ZNF385D: variants seen among roughly 807,000 people sequenced by gnomAD.
The protein encoded by ZNF385D is zinc finger protein 659.
ZNF385D carries 15 observed loss-of-function variants against 35.8 expected under a neutral mutation model. That is an observed-to-expected ratio of 0.42 (90% confidence interval 0.28 to 0.64). The LOEUF is 0.64. Among genes scored for constraint, ZNF385D ranks in the 30% least tolerant of loss-of-function variants. ZNF385D has a pLI of 0.23. For missense variants in ZNF385D, 474 were observed against 494.6 expected, an observed-to-expected ratio of 0.96 and a Z score of 0.39; for synonymous variants, 212 against 186.8, an observed-to-expected ratio of 1.13 and a Z score of -1.10.
chr3:21,763,884 A>G (rs2070721485), intron 3 of ZNF385D, among the ~76,000 whole-genome samples: 1 of 152,182 alleles, frequency 6.6e-6, no homozygotes, highest in Non-Finnish European at 1.5e-5. Context: ...CTATTCTAAC[A>G]TATAGTCATT....
chr3:22,297,725 G>C (rs763211232), intron 2 of ZNF385D, among the ~76,000 whole-genome samples: 12 of 151,680 alleles, frequency 7.9e-5, no homozygotes, highest in Non-Finnish European at 1.5e-4. Flanking sequence ...TTCATAACTG[G>C]GAATTTTCTT....
At chr3:21,932,360 A>G (rs1308699417) in intron 3 of ZNF385D, among the ~76,000 whole-genome samples, 1 of 151,974 alleles carries the variant, frequency 6.6e-6, no homozygotes, top group Non-Finnish European at 1.5e-5. Flanking sequence ...TAGTCAAAGC[A>G]AGTTTTCAGT....
intron 3 of ZNF385D, among the ~76,000 whole-genome samples, chr3:21,889,734 C>T (rs558049465): frequency 6.6e-6 from 1 of 152,178 alleles, no homozygotes; most frequent in South Asian, 2.1e-4. Flanking sequence ...ACAAGGGCTG[C>T]CATGACAAAG....
At chr3:21,933,830 T>C (rs1228362097) in intron 3 of ZNF385D, among the ~76,000 whole-genome samples, 2 of 152,144 alleles carry the variant, frequency 1.3e-5, no homozygotes, top group African/African-American at 2.4e-5. Context: ...ATTATAGCAT[T>C]TAAATTCTCT....
chr3:22,078,884 T>C (rs1315790413), intron 3 of ZNF385D, among the ~76,000 whole-genome samples: 1 of 152,076 alleles, frequency 6.6e-6, no homozygotes, highest in African/African-American at 2.4e-5. Context: ...AAATTTTAAA[T>C]ACAATAATGT....
intron 1 of ZNF385D, among the ~76,000 whole-genome samples, chr3:21,733,167 T>G (rs892713704): frequency 6.6e-6 from 1 of 152,224 alleles, no homozygotes; most frequent in African/African-American, 2.4e-5. Flanking sequence ...ATATTTTCTT[T>G]GCTCTTTTGT....
At chr3:21,447,758 G>C (rs1162943759) in intron 4 of ZNF385D, among the ~76,000 whole-genome samples, 6 of 152,080 alleles carry the variant, frequency 3.9e-5, no homozygotes, top group Non-Finnish European at 8.8e-5. Context: ...GAATGAGTAG[G>C]GACTGCAAAA....
intron 3 of ZNF385D, among the ~76,000 whole-genome samples, chr3:21,892,471 T>C (rs563488287): frequency 1.3e-4 from 20 of 152,326 alleles, no homozygotes; most frequent in South Asian, 8.3e-4. Context: ...TAGACTTGTT[T>C]GTGCTTTGCT....
chr3:21,694,942 C>A (rs1410913275), intron 1 of ZNF385D, among the ~76,000 whole-genome samples: 1 of 152,152 alleles, frequency 6.6e-6, no homozygotes, highest in Non-Finnish European at 1.5e-5. Context: ...AGGAAGCATG[C>A]ATCAGCTTGG....
intron 4 of ZNF385D, among the ~76,000 whole-genome samples, chr3:21,456,826 T>A (rs1702855556): frequency 6.6e-6 from 1 of 152,106 alleles, no homozygotes; most frequent in African/African-American, 2.4e-5. Context: ...AGATTACTCA[T>A]CCCCTTACCA....
intron 2 of ZNF385D, among the ~76,000 whole-genome samples, chr3:22,222,652 T>C (rs980644275): frequency 2.0e-5 from 3 of 152,152 alleles, no homozygotes; most frequent in Non-Finnish European, 4.4e-5. Context: ...AGTGTTTTCA[T>C]CTGTAATATG....
At chr3:22,161,540 G>C (rs6766674) in intron 3 of ZNF385D, among the ~76,000 whole-genome samples, 2 of 151,944 alleles carry the variant, frequency 1.3e-5, no homozygotes, top group South Asian at 2.1e-4. Flanking sequence ...TGAATCATGA[G>C]ATCTCTGGAA....
intron 3 of ZNF385D, among the ~76,000 whole-genome samples, chr3:21,937,516 T>A (rs180823178): frequency 6.6e-6 from 1 of 152,170 alleles, no homozygotes; most frequent in Non-Finnish European, 1.5e-5. Flanking sequence ...TTAAAAAAGA[T>A]GTTTTGTGTT....
At chr3:21,803,194 T>C (rs889021614) in intron 3 of ZNF385D, among the ~76,000 whole-genome samples, 1 of 151,982 alleles carries the variant, frequency 6.6e-6, no homozygotes, top group African/African-American at 2.4e-5. Flanking sequence ...AACCTAAGGG[T>C]AGTCATCACA....
chr3:22,365,027 A>G (rs1021668010), intron 2 of ZNF385D, among the ~76,000 whole-genome samples: 3 of 152,114 alleles, frequency 2.0e-5, no homozygotes, highest in Non-Finnish European at 4.4e-5. Flanking sequence ...TACATGAGGT[A>G]CTTAAAGTAA....
intron 3 of ZNF385D, among the ~76,000 whole-genome samples, chr3:21,891,380 G>A (rs1390548625): frequency 6.6e-6 from 1 of 152,050 alleles, no homozygotes; most frequent in African/African-American, 2.4e-5. Context: ...CAAGTAATGC[G>A]TGACTAGTTC....
intron 4 of ZNF385D, among the ~76,000 whole-genome samples, chr3:21,439,744 T>C (rs1701765728): frequency 6.6e-6 from 1 of 152,092 alleles, no homozygotes; most frequent in Non-Finnish European, 1.5e-5. Flanking sequence ...GAGGATAATG[T>C]ACATTTAAAC....
chr3:21,882,629 G>C (rs1228753661), intron 3 of ZNF385D, among the ~76,000 whole-genome samples: 1 of 151,998 alleles, frequency 6.6e-6, no homozygotes, highest in African/African-American at 2.4e-5. Context: ...CCCAGAACTT[G>C]TAAATCAAAA....
At chr3:22,157,873 G>A (rs531001878) in intron 3 of ZNF385D, among the ~76,000 whole-genome samples, 17 of 152,034 alleles carry the variant, frequency 1.1e-4, no homozygotes, top group Non-Finnish European at 1.6e-4. Context: ...TACATATATG[G>A]TCCAGCTTTT....
Sources: gnomAD v4.1 joint callset for allele counts (sites outside exome capture counted in the v4.1 genomes callset) on GRCh38, gnomAD v4.1.1 for gene constraint, MANE v1.5 for transcripts, NCBI Gene and HGNC (gene_info 2026-07-23, HGNC 2026-07-21) for gene names.